Variants in CCDC192 observed in about 807,000 individuals in gnomAD.
The protein encoded by CCDC192 is coiled-coil domain-containing protein 192.
At chr5:127,929,974 C>T (rs929397109) in intron 6 of CCDC192, among the ~76,000 whole-genome samples, 1 of 152,196 alleles carries the variant, frequency 6.6e-6, no homozygotes, top group Non-Finnish European at 1.5e-5. Flanking sequence ...GAGGCCAAGG[C>T]AGGCAAATCA....
At chr5:127,855,896 G>T (rs949505252) in intron 5 of CCDC192, among the ~76,000 whole-genome samples, 2 of 152,146 alleles carry the variant, frequency 1.3e-5, no homozygotes, top group African/African-American at 4.8e-5. Context: ...GTAAACAGAT[G>T]AACCAGACTT....
chr5:127,792,145 G>T (rs1005292068), intron 3 of CCDC192, among the ~76,000 whole-genome samples: 3 of 152,102 alleles, frequency 2.0e-5, no homozygotes, highest in Admixed American at 2.0e-4. Flanking sequence ...GATTCTGTCT[G>T]TATTAGTCCA....
intron 6 of CCDC192, among the ~76,000 whole-genome samples, chr5:127,938,035 C>G (rs1754233362): frequency 6.6e-6 from 1 of 152,070 alleles, no homozygotes; most frequent in Non-Finnish European, 1.5e-5. Context: ...CCTGCATCCC[C>G]CACTGTTCAC....
chr5:127,833,869 C>T (rs1749914641), intron 5 of CCDC192, among the ~76,000 whole-genome samples: 1 of 152,020 alleles, frequency 6.6e-6, no homozygotes, highest in South Asian at 2.1e-4. Context: ...CTATCATACA[C>T]CAGAAAACGT....
At chr5:127,908,108 C>G (rs1377827385) in intron 6 of CCDC192, among the ~76,000 whole-genome samples, 1 of 152,166 alleles carries the variant, frequency 6.6e-6, no homozygotes, top group African/African-American at 2.4e-5. Flanking sequence ...GTAGAGGACC[C>G]ATCTCATCTA....
chr5:127,802,949 A>C (rs1211105788), intron 5 of CCDC192, among the ~76,000 whole-genome samples: 1 of 152,212 alleles, frequency 6.6e-6, no homozygotes, highest in Non-Finnish European at 1.5e-5. Flanking sequence ...GACTCTTTCA[A>C]ATATAACATG....
intron 6 of CCDC192, among the ~76,000 whole-genome samples, chr5:127,896,463 C>T (rs1350489073): frequency 6.7e-6 from 1 of 148,278 alleles, no homozygotes; most frequent in African/African-American, 2.5e-5. Flanking sequence ...GACGGAGTTT[C>T]GCTTTTGTTG....
chr5:127,724,373 G>C (rs790834), intron 2 of CCDC192, among the ~76,000 whole-genome samples: 118,121 of 152,024 alleles, frequency 0.78, 46,014 homozygotes, highest in East Asian at 0.89. Context: ...TCCTATTAAT[G>C]TTTTTCTTCC....
At chr5:127,851,012 T>C (rs1348134357) in intron 5 of CCDC192, among the ~76,000 whole-genome samples, 1 of 151,086 alleles carries the variant, frequency 6.6e-6, no homozygotes, top group Non-Finnish European at 1.5e-5. Flanking sequence ...GAAGCAGAGG[T>C]TGCAGAAGCA....
chr5:127,870,566 T>A lies in CCDC192; in HGVS notation c.412-4972T>A, dbSNP rs546767881. 1.3e-5 allele frequency among the ~76,000 whole-genome samples: 2 copies of A among 152,326 alleles called. 1 individual carries two copies. The highest frequency in any genetic ancestry group is 4.8e-5 in the African/African-American group (2 of 41,578). ...TTAGGTCCAGCTGAACTCTGGCAGC[T>A]CAACTTTCTTGTCTACATAGAGAGA... On this transcript the variant is annotated intron_variant, in intron 5 of 6. Coordinates refer to ENST00000514853, the MANE Select transcript of CCDC192 (RefSeq NM_001317938.2).
intron 2 of CCDC192, among the ~76,000 whole-genome samples, chr5:127,711,436 T>G (rs1486318505): frequency 1.3e-5 from 2 of 152,196 alleles, no homozygotes; most frequent in Non-Finnish European, 2.9e-5. Flanking sequence ...TAAAGTGACC[T>G]TAAAGTAGCT....
At position 127,927,841 on chromosome 5, in the gene CCDC192, G is replaced by T. The variant is rs183519421; in HGVS notation, c.536-13341G>T. Among the ~76,000 whole-genome samples, 184 of 149,768 alleles carry T rather than the reference G, an allele frequency of 1.2e-3. 1 individual carries two copies. Among genetic ancestry groups the T allele is most frequent in the African/African-American group, 4.3e-3 (177 of 40,864 alleles). ...TTCTTCATTATTCAGATGTTCTTTGGTTTTTTTTCCCTTCTCTATTCATTT... is the reference window on the plus strand; with the variant it reads ...TTCTTCATTATTCAGATGTTCTTTGTTTTTTTTTCCCTTCTCTATTCATTT... On this transcript the variant is annotated intron_variant, in intron 6 of 6. Transcript: ENST00000514853.
chr5:127,703,807 G>C (rs1020764738), intron 1 of CCDC192, among the ~76,000 whole-genome samples: 2 of 152,138 alleles, frequency 1.3e-5, no homozygotes, highest in Non-Finnish European at 2.9e-5. Flanking sequence ...ACTGATGTGG[G>C]AAGGGGGAGG....
chr5:127,748,545 G>A (rs1472353716), intron 2 of CCDC192, among the ~76,000 whole-genome samples: 1 of 141,736 alleles, frequency 7.1e-6, no homozygotes, highest in Non-Finnish European at 1.6e-5. Flanking sequence ...GTAGTGTGAT[G>A]CCTCCAGCTT....
intron 6 of CCDC192, among the ~76,000 whole-genome samples, chr5:127,930,079 C>T (rs998558900): frequency 6.6e-6 from 1 of 152,092 alleles, no homozygotes; most frequent in Non-Finnish European, 1.5e-5. Context: ...GGCGCATGCC[C>T]ATAATCCCAG....
In CCDC192 at chr5:127,792,039, TG is replaced by T. The variant is rs573972261; in HGVS notation, c.223-5062del. ...AGAAGGAACCAAGTAGTGCTGGGTG[TG>T]GTGGCTTATGCCTGTAATCCCAGCA... is the stretch of plus-strand genomic sequence containing the variant. On this transcript the variant is annotated intron_variant, in intron 3 of 6. Transcript: ENST00000514853. Among the ~76,000 whole-genome samples the T allele has an allele frequency of 1.9e-3, 283 of 152,278 alleles. 1 individual carries two copies. The highest frequency in any genetic ancestry group is 6.3e-3 in the African/African-American group (262 of 41,542).
intron 5 of CCDC192, among the ~76,000 whole-genome samples, chr5:127,867,599 G>A (rs1328137707): frequency 6.6e-6 from 1 of 152,152 alleles, no homozygotes; most frequent in Admixed American, 6.5e-5. Context: ...GAATTGGACT[G>A]GAAAACAGCT....
At chr5:127,865,535 A>C (rs1247492666) in intron 5 of CCDC192, among the ~76,000 whole-genome samples, 2 of 151,834 alleles carry the variant, frequency 1.3e-5, no homozygotes, top group Non-Finnish European at 2.9e-5. Context: ...TAAGCTAATG[A>C]TTGTCAGACT....
intron 3 of CCDC192, among the ~76,000 whole-genome samples, chr5:127,757,012 T>A (rs1332967521): frequency 1.3e-5 from 2 of 152,222 alleles, no homozygotes; most frequent in Non-Finnish European, 2.9e-5. Context: ...TTTTCAGTAA[T>A]ATAGCAGATT....
Sources: gnomAD v4.1 joint callset for allele counts (sites outside exome capture counted in the v4.1 genomes callset) on GRCh38, gnomAD v4.1.1 for gene constraint, MANE v1.5 for transcripts, NCBI Gene and HGNC (gene_info 2026-07-23, HGNC 2026-07-21) for gene names.